The following PITPNC1 variants were observed in gnomAD, a reference collection of about 807,000 sequenced individuals.
PITPNC1 encodes the protein cytoplasmic phosphatidylinositol transfer protein 1.
In PITPNC1, 18 loss-of-function variants were observed where a neutral mutation model predicts 44.7. That is an observed-to-expected ratio of 0.40 (90% CI 0.28 to 0.60). The LOEUF is 0.60. PITPNC1 is among the 20% of genes least tolerant of loss of function. The probability of loss-of-function intolerance (pLI) is 0.39; values close to 1 mark genes in which losing one functional copy is unlikely to be tolerated. For synonymous variants in PITPNC1, 141 were observed against 149.6 expected (o/e 0.94, Z 0.42); for missense variants, 290 against 418.4 (o/e 0.69, Z 2.68).
At chr17:67,688,063 G>T (rs1017849222) in intron 8 of PITPNC1, among the ~76,000 whole-genome samples, 3 of 150,866 alleles carry the variant, frequency 2.0e-5, no homozygotes, top group African/African-American at 4.9e-5. Flanking sequence ...AATCAGCTGG[G>T]CGCGGTGGCT....
rs565007484 is a variant in PITPNC1 at position 67,494,487 on chromosome 17, C to CGT, written c.49-38313_49-38312dup. 3.9e-5 allele frequency among the ~76,000 whole-genome samples: 6 copies of CGT among 152,170 alleles called. No homozygotes were observed. The East Asian group carries it at 1.2e-3, about 29-fold the overall frequency. On this transcript the variant is annotated intron_variant, in intron 1 of 8. Coordinates refer to ENST00000581322, the MANE Select transcript of PITPNC1 (RefSeq NM_012417.4). ...TGCTGGGATTACAGGCATGAGCCAC[C>CGT]GTGCCCAGCCCTGTAACCTCTTTCA...
chr17:67,693,907 T>C lies in PITPNC1; in HGVS notation c.*1019T>C, dbSNP rs2042970400. 1 of 152,218 alleles carries C rather than the reference T, an allele frequency of 6.6e-6. No homozygotes were observed. Among genetic ancestry groups the C allele is most frequent in the Non-Finnish European group, 1.5e-5 (1 of 68,030 alleles). 9.4% of individuals were successfully genotyped at this position (152,218 alleles called of 1,614,324 possible). On this transcript the variant is annotated 3_prime_UTR_variant, in exon 9 of 9. Transcript: ENST00000581322. ...ACATCCAGAATTCCCTGGAACAGAT[T>C]GCCTACCACCAGACCTTAGAAAAGA...
At chr17:67,551,575 C>T (rs973975190) in intron 2 of PITPNC1, among the ~76,000 whole-genome samples, 2 of 152,152 alleles carry the variant, frequency 1.3e-5, no homozygotes, top group African/African-American at 4.8e-5. Context: ...TCTCCTTTCT[C>T]TTATAAGGAT....
intron 1 of PITPNC1, among the ~76,000 whole-genome samples, chr17:67,426,394 G>A (rs2038765596): frequency 6.6e-6 from 1 of 152,174 alleles, no homozygotes; most frequent in Non-Finnish European, 1.5e-5. Context: ...TAAAGAAAAT[G>A]TGGTACATAT....
At position 67,692,892 on chromosome 17, in the gene PITPNC1, T is replaced by C. The variant is rs2042955501; in HGVS notation, c.*4T>C. On this transcript the variant is annotated 3_prime_UTR_variant, in exon 9 of 9. Coordinates refer to ENST00000581322, the MANE Select transcript of PITPNC1 (RefSeq NM_012417.4). ...ATGTCGGCCCAAATCTGAGTAACTT[T>C]ATATAAATATCTCATGGGGTTTTAT... 5.3e-6 allele frequency: 8 copies of C among 1,510,070 alleles called. No homozygotes were observed. The highest frequency in any genetic ancestry group is 7.3e-6 in the Non-Finnish European group (8 of 1,096,602). The allele number at this position is 1,510,070 out of a possible 1,614,324, so 93.5% of individuals were successfully genotyped here. A position where few individuals can be genotyped will look rare whatever the true frequency, so the allele number is the denominator to read the frequency against.
At chr17:67,386,866 A>G (rs566727191) in intron 1 of PITPNC1, among the ~76,000 whole-genome samples, 1 of 152,306 alleles carries the variant, frequency 6.6e-6, no homozygotes, top group South Asian at 2.1e-4. Flanking sequence ...AGAAGGTTTT[A>G]TGTATCTTTA....
chr17:67,629,977 A>G (rs2041945625), intron 5 of PITPNC1, among the ~76,000 whole-genome samples: 1 of 152,242 alleles, frequency 6.6e-6, no homozygotes, highest in Non-Finnish European at 1.5e-5. Flanking sequence ...AGGCAAGAAG[A>G]GAAGAACCAC....
chr17:67,402,566 A>T (rs949019797), intron 1 of PITPNC1, among the ~76,000 whole-genome samples: 8 of 150,872 alleles, frequency 5.3e-5, no homozygotes, highest in African/African-American at 1.9e-4. Flanking sequence ...TGTTCTGCCG[A>T]AAACAAGCAG....
At chr17:67,485,678 T>G (rs2039769035) in intron 1 of PITPNC1, among the ~76,000 whole-genome samples, 1 of 152,168 alleles carries the variant, frequency 6.6e-6, no homozygotes, top group Non-Finnish European at 1.5e-5. Flanking sequence ...GAAGAACAAC[T>G]GACTTGCCAA....
intron 6 of PITPNC1, among the ~76,000 whole-genome samples, chr17:67,668,841 G>A (rs182797329): frequency 0.034 from 5,136 of 151,734 alleles, 111 homozygotes; most frequent in Middle Eastern, 0.075. Flanking sequence ...CAGCCTGGGC[G>A]ACAGAGCGAG....
chr17:67,416,292 C>CACA (rs1034449015), intron 1 of PITPNC1, among the ~76,000 whole-genome samples: 1 of 147,516 alleles, frequency 6.8e-6, no homozygotes, highest in African/African-American at 2.5e-5. Context: ...TCACTGCAAC[C>CACA]ACAACCTCCA....
At chr17:67,408,672 CTCTTTCTTCCTTCCTT>C (rs2038436392) in intron 1 of PITPNC1, 3 of 87,774 alleles carry the variant, frequency 3.4e-5, no homozygotes, top group Admixed American at 1.3e-4. Flanking sequence ...TGCTTGCTTT[CTCTTTCTTCCTTCCTT>C]CCTTCCTTCC....
chr17:67,691,747 T>C (rs1026479951), intron 8 of PITPNC1, among the ~76,000 whole-genome samples: 1 of 152,206 alleles, frequency 6.6e-6, no homozygotes, highest in African/African-American at 2.4e-5. Context: ...GGCTCACGCC[T>C]GTAATCCCAA....
In PITPNC1 at chr17:67,599,768, T is replaced by C. The variant is rs146975268; in HGVS notation, c.366+21511T>C. On this transcript the variant is annotated intron_variant, in intron 5 of 8. Transcript: ENST00000581322. ...TGTAGAAGGAAGGAAAAGAATTGGATCAGAAGGGGACTTAGAGTGGAAGGG... is the reference window on the plus strand; with the variant it reads ...TGTAGAAGGAAGGAAAAGAATTGGACCAGAAGGGGACTTAGAGTGGAAGGG... Among the ~76,000 whole-genome samples the C allele has an allele frequency of 1.7e-3, 264 of 152,176 alleles. 2 individuals carry two copies. Among genetic ancestry groups the C allele is most frequent in the African/African-American group, 6.1e-3 (254 of 41,524 alleles).
intron 1 of PITPNC1, chr17:67,457,304 G>A (rs1163403113): frequency 6.6e-6 from 1 of 152,238 alleles, no homozygotes; most frequent in Non-Finnish European, 1.5e-5. Flanking sequence ...GCTCTCATTT[G>A]TTACTGAGAA....
chr17:67,532,009 G>A (rs1218458634), intron 1 of PITPNC1, among the ~76,000 whole-genome samples: 1 of 152,174 alleles, frequency 6.6e-6, no homozygotes, highest in Non-Finnish European at 1.5e-5. Flanking sequence ...AAGGCAGATG[G>A]AACAGCTCAT....
At chr17:67,513,423 GTA>G (rs1026064126) in intron 1 of PITPNC1, among the ~76,000 whole-genome samples, 5 of 143,786 alleles carry the variant, frequency 3.5e-5, no homozygotes, top group Admixed American at 2.1e-4. Context: ...ACATATGTGT[GTA>G]TATATATGTA....
At chr17:67,575,631 G>A (rs1249298087) in intron 4 of PITPNC1, among the ~76,000 whole-genome samples, 1 of 152,056 alleles carries the variant, frequency 6.6e-6, no homozygotes, top group African/African-American at 2.4e-5. Context: ...TTGTGCGGCT[G>A]AAGCATGTGT....
At chr17:67,541,468 T>TACACAC (rs3051696) in intron 2 of PITPNC1, among the ~76,000 whole-genome samples, 1,577 of 149,572 alleles carry the variant, frequency 0.011, 10 homozygotes, top group African/African-American at 0.022. Flanking sequence ...CAATTATACA[T>TACACAC]ACACACACAC....
Sources: gnomAD v4.1 joint callset for allele counts (sites outside exome capture counted in the v4.1 genomes callset) on GRCh38, gnomAD v4.1.1 for gene constraint, MANE v1.5 for transcripts, NCBI Gene and HGNC (gene_info 2026-07-23, HGNC 2026-07-21) for gene names.